Variants in PDGFRB observed in about 807,000 individuals in gnomAD.
PDGFRB encodes platelet derived growth factor receptor beta, also known as platelet-derived growth factor receptor beta.
In PDGFRB, 42 loss-of-function variants were observed where a neutral mutation model predicts 120.2. The observed-to-expected ratio is 0.35, with a 90% confidence interval of 0.27 to 0.45. PDGFRB has a LOEUF of 0.45. PDGFRB is among the 20% of genes least tolerant of loss of function. The probability of loss-of-function intolerance (pLI) is 1.00; values close to 1 mark genes in which losing one functional copy is unlikely to be tolerated. For missense variants in PDGFRB, 1,149 were observed against 1,476.3 expected, an observed-to-expected ratio of 0.78 and a Z score of 3.63; for synonymous variants, 586 against 606.8, an observed-to-expected ratio of 0.97 and a Z score of 0.50.
chr5:150,140,078 T>G (rs1760738835), intron 1 of PDGFRB, among the ~76,000 whole-genome samples: 1 of 151,358 alleles, frequency 6.6e-6, no homozygotes, highest in Admixed American at 6.6e-5. Flanking sequence ...GAAAGAGTGG[T>G]AGGGACAAGA....
chr5:150,117,540 GCGCGCACACA>G lies in PDGFRB; in HGVS notation c.3137+68_3137+77del, dbSNP rs1404982791. ...GGCAAACCTGGCAGCGCGCGCGCGC[GCGCGCACACA>G]CACACACACACACACACACACACAC... is the stretch of plus-strand genomic sequence containing the variant. On this transcript the variant is annotated intron_variant, in intron 22 of 22. Transcript: ENST00000261799. The G allele has an allele frequency of 0.011, 6,719 of 592,252 alleles. 195 individuals are homozygous for G. The African/African-American group carries it at 0.14, about 13-fold the overall frequency. The allele number at this position is 592,252 out of a possible 1,614,324, so 36.7% of individuals were successfully genotyped here. A position where few individuals can be genotyped will look rare whatever the true frequency, so the allele number is the denominator to read the frequency against.
At chr5:150,147,370 G>C (rs377460193) in intron 1 of PDGFRB, among the ~76,000 whole-genome samples, 1 of 152,212 alleles carries the variant, frequency 6.6e-6, no homozygotes, top group Admixed American at 6.5e-5. Context: ...GACTGAGGAG[G>C]GGGGTGCGGC....
intron 1 of PDGFRB, chr5:150,154,057 A>T (rs1761156767): frequency 6.6e-6 from 1 of 152,208 alleles, no homozygotes; most frequent in Non-Finnish European, 1.5e-5. Flanking sequence ...TCTGATGAAC[A>T]AACAGAACAT....
rs41287114 is a variant in PDGFRB at position 150,133,926 on chromosome 5, G to A, written c.714C>T (p.Ile238=). The A allele has an allele frequency of 1.8e-3, 2,840 of 1,613,856 alleles. 7 individuals carry two copies. The highest frequency in any genetic ancestry group is 2.3e-3 in the Non-Finnish European group (2,656 of 1,179,790). ...GENITLMCIV[I]GNEVVNFEWT... is the part of the protein sequence containing the mutation. ...ACTCGAAGTTGACCACCTCATTCCC[G>A]ATCACAATGCACATGAGGGTGATGT... Residue 238 remains isoleucine (I), a synonymous_variant, in exon 5 of 23, where the codon ATC becomes ATT. Coordinates refer to ENST00000261799, the MANE Select transcript of PDGFRB (RefSeq NM_002609.4).
In PDGFRB at chr5:150,126,745, GC is replaced by G. The variant is rs1283353385; in HGVS notation, c.1580-132del. On this transcript the variant is annotated intron_variant, in intron 10 of 22. Coordinates refer to ENST00000261799, the MANE Select transcript of PDGFRB (RefSeq NM_002609.4). ...GAAGCGCCCACCTCCCCATCAGCCT[GC>G]AGTGTCAGACCCTCAGCATCTCGCT... 10 of 677,754 alleles carry G rather than the reference GC, an allele frequency of 1.5e-5. No individual in the cohort carries two copies. In the African/African-American group the frequency reaches 1.8e-4, roughly 12 times the overall value. The allele number at this position is 677,754 out of a possible 1,614,324, so 42.0% of individuals were successfully genotyped here. A position where few individuals can be genotyped will look rare whatever the true frequency, so the allele number is the denominator to read the frequency against.
intron 1 of PDGFRB, among the ~76,000 whole-genome samples, chr5:150,148,375 A>G (rs1191936500): frequency 1.3e-5 from 2 of 152,244 alleles, no homozygotes; most frequent in East Asian, 3.8e-4. Flanking sequence ...TCAGCTCTTC[A>G]GTCCTGGGCC....
intron 21 of PDGFRB, among the ~76,000 whole-genome samples, chr5:150,118,316 G>A (rs1316863729): frequency 6.6e-6 from 1 of 152,164 alleles, no homozygotes; most frequent in Non-Finnish European, 1.5e-5. Flanking sequence ...TTGGACCCGT[G>A]TTGTTGGACG....
intron 1 of PDGFRB, among the ~76,000 whole-genome samples, chr5:150,147,369 G>A (rs538908748): frequency 3.9e-5 from 6 of 152,344 alleles, no homozygotes; most frequent in East Asian, 3.9e-4. Flanking sequence ...AGACTGAGGA[G>A]GGGGGTGCGG....
chr5:150,121,903 G>C lies in PDGFRB; in HGVS notation c.2321C>G (p.Pro774Arg), dbSNP rs1760147180. Residue 774 changes from proline (P) to arginine (R), a missense_variant, in exon 16 of 23, where the codon CCT (proline) becomes CGT (arginine). Physicochemically the swap from Pro to Arg is moderately radical, Grantham distance 103 (BLOSUM62 -2). This residue lies in a region of PDGFRB where 879 missense variants were observed against 1,108.6 expected (regional missense o/e 0.79). Transcript: ENST00000261799. The surrounding 1 kb of genome is among the most constrained non-coding windows in gnomAD (Gnocchi z 4.1). ...ADIESSNYMA[P>R]YDNYVPSAPE... ...ACCAGAGGGAACGTAGTTATCGTAA[G>C]GGGCCATGTAGTTGGAGGACTCGAT... is the stretch of plus-strand genomic sequence containing the variant. 1.2e-6 allele frequency: 2 copies of C among 1,613,606 alleles called. No individual in the cohort carries two copies. Among genetic ancestry groups the C allele is most frequent in the Non-Finnish European group, 1.7e-6 (2 of 1,179,536 alleles).
intron 1 of PDGFRB, among the ~76,000 whole-genome samples, chr5:150,138,913 T>A (rs1472705310): frequency 6.6e-6 from 1 of 152,182 alleles, no homozygotes; most frequent in African/African-American, 2.4e-5. Context: ...CTGGCCACAC[T>A]GTTTATTATT....
At chr5:150,148,675 G>A (rs1760989684) in intron 1 of PDGFRB, among the ~76,000 whole-genome samples, 1 of 152,252 alleles carries the variant, frequency 6.6e-6, no homozygotes, top group Non-Finnish European at 1.5e-5. Flanking sequence ...AATGGCATGG[G>A]AGACCTCCTT....
intron 1 of PDGFRB, among the ~76,000 whole-genome samples, chr5:150,147,260 T>C (rs2113927996): frequency 6.6e-6 from 1 of 151,678 alleles, no homozygotes; most frequent in Non-Finnish European, 1.5e-5. Context: ...GCCCTCCCCA[T>C]CCCCACCCCC....
rs34681495 is a variant in PDGFRB, at chr5:150,136,831, G to A, written c.40+177C>T. 5.9e-3 allele frequency among the ~76,000 whole-genome samples: 898 copies of A among 152,328 alleles called. 4 individuals carry two copies. Among genetic ancestry groups the A allele is most frequent in the Non-Finnish European group, 8.7e-3 (589 of 68,022 alleles). ...GCCCACTGACGCTTTCTGAGCTGAA[G>A]GGCTGGCAGCTGGAGGCCTCCACAG... On this transcript the variant is annotated intron_variant, in intron 2 of 22. Transcript: ENST00000261799.
rs199730626 is a variant in PDGFRB at position 150,137,017 on chromosome 5, C to T, written c.31G>A (p.Ala11Thr). ...TCTCCCATCTACCCACCTTTGAGGG[C>T]CAGAGCTGGCATCGCACCCGGAAGC... MRLPGAMPAL[A>T]LKGELLLLSL... The change falls in exon 2 of 23, where the codon GCC (alanine) becomes ACC (threonine). Residue 11 changes from alanine to threonine, a missense_variant. Coordinates refer to ENST00000261799, the MANE Select transcript of PDGFRB (RefSeq NM_002609.4). 6.2e-6 allele frequency: 10 copies of T among 1,613,620 alleles called. No individual in the cohort carries two copies. In the Admixed American group the frequency reaches 1.7e-4, roughly 27 times the overall value.
At chr5:150,126,783 G>A (rs547396503) in intron 10 of PDGFRB, among the ~76,000 whole-genome samples, 169 bp from the exon 11 acceptor site, 3 of 152,258 alleles carry the variant, frequency 2.0e-5, no homozygotes, top group South Asian at 4.1e-4. Flanking sequence ...TAGGCCACAC[G>A]TTCAGACTGT....
intron 1 of PDGFRB, among the ~76,000 whole-genome samples, chr5:150,141,777 C>G (rs1760791408): frequency 6.6e-6 from 1 of 152,042 alleles, no homozygotes; most frequent in African/African-American, 2.4e-5. Context: ...TGTACACGCG[C>G]ACGTGCTGAG....
rs2113902532 is a variant in PDGFRB, at chr5:150,129,791, G to A, written c.1545C>T (p.Gly515=). ...CCACGATGACCTCCTGCGTGTCCTG[G>A]CCCACAGCGTTGCGCAGCGTGCAGC... ...SVRCTLRNAV[G]QDTQEVIVVP... is the part of the protein sequence containing the mutation. The change falls in exon 10 of 23, where the codon GGC becomes GGT. Residue 515 remains glycine, a synonymous_variant. Transcript: ENST00000261799. 6.2e-7 allele frequency: 1 copy of A among 1,613,774 alleles called. No individual in the cohort carries two copies. The highest frequency in any genetic ancestry group is 8.5e-7 in the Non-Finnish European group (1 of 1,179,986).
At position 150,133,596 on chromosome 5, in the gene PDGFRB, G is replaced by A. The variant is rs1281016743; in HGVS notation, c.924C>T (p.Ile308=). Residue 308 remains isoleucine (I), a synonymous_variant, in exon 6 of 23, where the codon ATC becomes ATT. Coordinates refer to ENST00000261799, the MANE Select transcript of PDGFRB (RefSeq NM_002609.4). ...GCCCAAGGCACACACCAACCACGGT[G>A]ATGTTGATGGCCTTTTCATCCTGAT... ...NDHQDEKAIN[I]TVVESGYVRL... 11 of 1,613,628 alleles carry A rather than the reference G, an allele frequency of 6.8e-6. No homozygotes were observed. The highest frequency in any genetic ancestry group is 8.5e-6 in the Non-Finnish European group (10 of 1,179,650).
At chr5:150,137,928 C>A (rs1291911371) in intron 1 of PDGFRB, among the ~76,000 whole-genome samples, 1 of 152,010 alleles carries the variant, frequency 6.6e-6, no homozygotes, top group South Asian at 2.1e-4. Flanking sequence ...CCCAGAGAGA[C>A]AGCACCAGAG....
Sources: gnomAD v4.1 joint callset for allele counts (sites outside exome capture counted in the v4.1 genomes callset) on GRCh38, gnomAD v4.1.1 for gene constraint, gnomAD v4.1.1 regional missense constraint, Gnocchi (gnomAD v3.1) non-coding constraint, MANE v1.5 for transcripts, NCBI Gene and HGNC (gene_info 2026-07-23, HGNC 2026-07-21) for gene names.